KIF13A: variants seen among roughly 807,000 people sequenced by gnomAD.
KIF13A encodes kinesin family member 13A, also known as kinesin-like protein KIF13A.
Under a neutral mutation model 212.2 loss-of-function variants are expected in KIF13A, and 79 were observed. That is an observed-to-expected ratio of 0.37 (90% CI 0.31 to 0.45). The LOEUF (loss-of-function observed/expected upper bound fraction) is 0.45, where lower values mean the gene tolerates loss of function less well. Among genes scored for constraint, KIF13A ranks in the 20% least tolerant of loss-of-function variants. KIF13A has a pLI of 1.00. For missense variants in KIF13A, 1,901 were observed against 2,209.0 expected, an observed-to-expected ratio of 0.86 and a Z score of 2.79; for synonymous variants, 789 against 808.6, an observed-to-expected ratio of 0.98 and a Z score of 0.41.
At chr6:17,830,377 T>C (rs868582575) in intron 13 of KIF13A, among the ~76,000 whole-genome samples, 10 of 152,226 alleles carry the variant, frequency 6.6e-5, no homozygotes, top group African/African-American at 2.4e-4. Context: ...GTTTGTAGTT[T>C]AAAATGTTCT....
At chr6:17,911,984 G>A (rs1185936091) in intron 2 of KIF13A, among the ~76,000 whole-genome samples, 2 of 152,032 alleles carry the variant, frequency 1.3e-5, no homozygotes, top group Non-Finnish European at 2.9e-5. Flanking sequence ...AGGTGGTCTT[G>A]AACTCCTGAG....
At chr6:17,830,394 T>G (rs1168663188) in intron 13 of KIF13A, among the ~76,000 whole-genome samples, 4 of 152,166 alleles carry the variant, frequency 2.6e-5, no homozygotes, top group Admixed American at 2.0e-4. Flanking sequence ...TTCTCAGTCT[T>G]AGGGTCCAAT....
chr6:17,894,871 CAG>C (rs1299592493), intron 3 of KIF13A, among the ~76,000 whole-genome samples: 1 of 152,132 alleles, frequency 6.6e-6, no homozygotes, highest in South Asian at 2.1e-4. Flanking sequence ...TAATAGTACT[CAG>C]AGAGTACAAT....
At chr6:17,807,502 G>C (rs912016159) in intron 18 of KIF13A, among the ~76,000 whole-genome samples, 14 of 152,024 alleles carry the variant, frequency 9.2e-5, no homozygotes, top group African/African-American at 1.9e-4. Context: ...GGTCAGACCG[G>C]TTCTCTGCTC....
chr6:17,859,095 T>C, intron 4 of KIF13A, among the ~76,000 whole-genome samples: 1 of 152,196 alleles, frequency 6.6e-6, no homozygotes, highest in East Asian at 1.9e-4. Flanking sequence ...GGAATTATTT[T>C]CCTAGGTTCT....
rs376475593 is a variant in KIF13A, at chr6:17,838,320, CAA to C, written c.831-739_831-738del. 0.035 allele frequency among the ~76,000 whole-genome samples: 4,443 copies of C among 127,922 alleles called. 246 individuals carry two copies. Among genetic ancestry groups the C allele is most frequent in the African/African-American group, 0.12 (4,171 of 34,882 alleles). The allele number at this position is 127,922 out of a possible 152,430, so 83.9% of individuals were successfully genotyped here. The stretch of plus-strand genomic sequence containing the variant: ...TGGGCGACAGAGCAAGACTCCATCT[CAA>C]AAAAAAAAAAAAGTTAAATGCTACT... On this transcript the variant is annotated intron_variant, in intron 9 of 38. Coordinates refer to ENST00000259711, the MANE Select transcript of KIF13A (RefSeq NM_022113.6). The surrounding 1 kb of genome is among the most constrained non-coding windows in gnomAD (Gnocchi z 4.2).
rs1389520952 is a variant in KIF13A, at chr6:17,794,237, T to G, written c.3222+12A>C. ...GCTTTGTTAAATACTATTTTAAGTCTGCTTGTCTTACCTGGTAACTGTCCA... is the reference window on the plus strand; with the variant it reads ...GCTTTGTTAAATACTATTTTAAGTCGGCTTGTCTTACCTGGTAACTGTCCA... On this transcript the variant is annotated intron_variant, in intron 25 of 38. Transcript: ENST00000259711. The surrounding 1 kb of genome is among the most constrained non-coding windows in gnomAD (Gnocchi z 4.1). The G allele has an allele frequency of 6.2e-7, 1 of 1,603,510 alleles. No homozygotes were observed. Among genetic ancestry groups the G allele is most frequent in the Non-Finnish European group, 8.5e-7 (1 of 1,171,962 alleles).
rs6906399 is a variant in KIF13A at position 17,811,009 on chromosome 6, A to T, written c.2001-2079T>A. ...GGGGACCCCTGTTCTAGACTACACGAAACAGTTCTTTTGCAGTCTCCCAAA... is the reference window on the plus strand; with the variant it reads ...GGGGACCCCTGTTCTAGACTACACGTAACAGTTCTTTTGCAGTCTCCCAAA... On this transcript the variant is annotated intron_variant, in intron 17 of 38. Coordinates refer to ENST00000259711, the MANE Select transcript of KIF13A (RefSeq NM_022113.6). The surrounding 1 kb of genome is among the most constrained non-coding windows in gnomAD (Gnocchi z 6.0). Among the ~76,000 whole-genome samples, 1 of 152,196 alleles carries T rather than the reference A, an allele frequency of 6.6e-6. No individual in the cohort carries two copies. The highest frequency in any genetic ancestry group is 1.5e-5 in the Non-Finnish European group (1 of 68,040).
At chr6:17,917,925 A>C (rs939514403) in intron 2 of KIF13A, among the ~76,000 whole-genome samples, 3 of 151,974 alleles carry the variant, frequency 2.0e-5, no homozygotes, top group African/African-American at 7.3e-5. Context: ...GGAGGCTTCA[A>C]GCTACTGCCC....
rs143863601 is a variant in KIF13A, at chr6:17,975,300, C to T, written c.146+11754G>A. The stretch of plus-strand genomic sequence containing the variant: ...TCTGGGAGGTGAAGGTTGCAATGAG[C>T]TGAGACTGTGTTCCGAATTAGTAGG... On this transcript the variant is annotated intron_variant, in intron 2 of 38. Transcript: ENST00000259711. 2.5e-3 allele frequency among the ~76,000 whole-genome samples: 385 copies of T among 151,872 alleles called. 2 individuals carry two copies. The highest frequency in any genetic ancestry group is 8.8e-3 in the African/African-American group (364 of 41,516).
At chr6:17,858,105 G>T (rs980537100) in intron 4 of KIF13A, among the ~76,000 whole-genome samples, 1 of 138,824 alleles carries the variant, frequency 7.2e-6, no homozygotes, top group Non-Finnish European at 1.7e-5. Flanking sequence ...GTGTGTGTGT[G>T]TGTGTGTGCA....
chr6:17,884,220 T>A (rs1381969459), intron 3 of KIF13A, among the ~76,000 whole-genome samples: 1 of 152,188 alleles, frequency 6.6e-6, no homozygotes, highest in Non-Finnish European at 1.5e-5. Flanking sequence ...TAACTGCACA[T>A]TTTACATTAA....
At chr6:17,841,948 T>C (rs10949465) in intron 9 of KIF13A, among the ~76,000 whole-genome samples, 41,235 of 150,762 alleles carry the variant, frequency 0.27, 5,976 homozygotes, top group South Asian at 0.38. Flanking sequence ...TGTGTCTACA[T>C]ACACACACAC....
chr6:17,935,718 G>T (rs1255360610), intron 2 of KIF13A, among the ~76,000 whole-genome samples: 2 of 152,244 alleles, frequency 1.3e-5, no homozygotes, highest in African/African-American at 4.8e-5. Context: ...GAACAAAAAT[G>T]TTTATCCACT....
chr6:17,962,537 G>A (rs1339813292), intron 2 of KIF13A, among the ~76,000 whole-genome samples: 1 of 152,074 alleles, frequency 6.6e-6, no homozygotes, highest in Non-Finnish European at 1.5e-5. Context: ...GCAGCAGCCA[G>A]AGAGGCTCCA....
Position 17,836,573 on chromosome 6 carries a change from T to C in KIF13A, c.1155+305A>G, listed in dbSNP as rs532484911. 7.3e-4 allele frequency among the ~76,000 whole-genome samples: 111 copies of C among 152,298 alleles called. 2 individuals carry two copies. Among genetic ancestry groups the C allele is most frequent in the South Asian group, 1.0e-3 (5 of 4,822 alleles). On this transcript the variant is annotated intron_variant, in intron 11 of 38. Transcript: ENST00000259711. ...GTATTAGTCAGTTCTCACATTGCTA[T>C]AAAGAAATACCTGAGATTGGGTAAT... is the stretch of plus-strand genomic sequence containing the variant.
chr6:17,904,494 AAC>A (rs1421465885), intron 2 of KIF13A, among the ~76,000 whole-genome samples: 16 of 152,280 alleles, frequency 1.1e-4, no homozygotes, highest in Admixed American at 3.9e-4. Flanking sequence ...AGAAAAAGAA[AAC>A]AGTAAAGATA....
In KIF13A at chr6:17,849,432, C is replaced by G. The variant is rs1734450669; in HGVS notation, c.775G>C (p.Val259Leu). 1.2e-6 allele frequency: 2 copies of G among 1,613,620 alleles called. No homozygotes were observed. Among genetic ancestry groups the G allele is most frequent in the Non-Finnish European group, 1.7e-6 (2 of 1,179,802 alleles). The change falls in exon 9 of 39, where the codon GTA becomes CTA. Residue 259 changes from valine (V) to leucine (L), a missense_variant. Val to Leu is a conservative substitution (Grantham distance 32). Coordinates refer to ENST00000259711, the MANE Select transcript of KIF13A (RefSeq NM_022113.6). The surrounding 1 kb of genome is among the most constrained non-coding windows in gnomAD (Gnocchi z 5.7). ...TCTCCTGCAGCTCCTGTTTTAGATA[C>G]TCTTTCGCTACCCGCCAGGTCTACC... ...SLVDLAGSER[V>L]SKTGAAGERL...
chr6:17,844,153 C>G (rs940079233), intron 9 of KIF13A, among the ~76,000 whole-genome samples: 1 of 151,830 alleles, frequency 6.6e-6, no homozygotes, highest in Non-Finnish European at 1.5e-5. Flanking sequence ...TCACTCTTAA[C>G]AGTAAAGCAG....
Sources: allele counts gnomAD v4.1 joint callset (sites outside exome capture counted in the v4.1 genomes callset), GRCh38; gene constraint gnomAD v4.1.1; non-coding constraint Gnocchi (gnomAD v3.1); transcripts MANE v1.5; gene names NCBI Gene and HGNC (gene_info 2026-07-23, HGNC 2026-07-21).